Variants in CTNNA2 observed in about 807,000 individuals in gnomAD.
CTNNA2 encodes the protein catenin alpha 2, also known as catenin alpha-2.
A neutral mutation model predicts 101.0 loss-of-function variants in CTNNA2; 42 were observed. That is an observed-to-expected ratio of 0.42 (90% CI 0.32 to 0.54). CTNNA2 has a LOEUF of 0.54. CTNNA2 is among the 20% of genes least tolerant of loss of function. The probability of loss-of-function intolerance (pLI) is 0.14; values close to 1 mark genes in which losing one functional copy is unlikely to be tolerated. For synonymous variants in CTNNA2, 450 were observed against 456.4 expected (o/e 0.99, Z 0.18); for missense variants, 871 against 1,223.1 (o/e 0.71, Z 4.29).
At chr2:79,657,497 C>T (rs556413184) in intron 2 of CTNNA2, among the ~76,000 whole-genome samples, 107 of 151,948 alleles carry the variant, frequency 7.0e-4, no homozygotes, top group Admixed American at 2.9e-3. Context: ...TATTACCAGA[C>T]GCTTGTAGCG....
At chr2:80,633,204 G>T (rs1380509125) in intron 18 of CTNNA2, among the ~76,000 whole-genome samples, 1 of 152,020 alleles carries the variant, frequency 6.6e-6, no homozygotes, top group Non-Finnish European at 1.5e-5. Flanking sequence ...CACATTAAAA[G>T]ATTATGTTTT....
In CTNNA2 at chr2:79,718,384, T is replaced by TATTGATGAA. The variant is rs542907003; in HGVS notation, c.103-25998_103-25990dup. On this transcript the variant is annotated intron_variant, in intron 2 of 18. Coordinates refer to ENST00000402739, the MANE Select transcript of CTNNA2 (RefSeq NM_001282597.3). ...AATTTGACACTATTAATAAATTAAT[T>TATTGATGAA]ATTGATGAAATTGGTTCATTAGTTC... 1.7e-3 allele frequency among the ~76,000 whole-genome samples: 259 copies of TATTGATGAA among 152,308 alleles called. 2 individuals are homozygous for TATTGATGAA. Among genetic ancestry groups the TATTGATGAA allele is most frequent in the African/African-American group, 5.7e-3 (236 of 41,574 alleles).
At chr2:80,296,823 C>T (rs1482824264) in intron 7 of CTNNA2, among the ~76,000 whole-genome samples, 1 of 152,116 alleles carries the variant, frequency 6.6e-6, no homozygotes, top group East Asian at 1.9e-4. Flanking sequence ...AGCACCATCT[C>T]ACCCATGCAT....
intron 2 of CTNNA2, among the ~76,000 whole-genome samples, chr2:79,659,161 G>A (rs1256006944): frequency 6.7e-6 from 1 of 148,758 alleles, no homozygotes; most frequent in African/African-American, 2.5e-5. Flanking sequence ...AGTGATTCCA[G>A]AAATAAATGA....
chr2:80,556,005 T>TTATGTGC, intron 12 of CTNNA2, 112 bp downstream of exon 12: 1 of 691,550 alleles, frequency 1.4e-6, no homozygotes, highest in Non-Finnish European at 2.2e-6. Context: ...AAATTGCACA[T>TTATGTGC]AATTGTGGAA....
intron 3 of CTNNA2, among the ~76,000 whole-genome samples, chr2:79,355,564 C>A (rs1054448394): frequency 1.3e-5 from 2 of 152,134 alleles, no homozygotes; most frequent in African/African-American, 2.4e-5. Flanking sequence ...TTCATCACTG[C>A]CAAAGGAGAC....
At chr2:79,652,969 G>C (rs1681364377) in intron 2 of CTNNA2, among the ~76,000 whole-genome samples, 1 of 152,082 alleles carries the variant, frequency 6.6e-6, no homozygotes. Context: ...ATCTGTCCTT[G>C]AGCAGAGTTC....
intron 2 of CTNNA2, among the ~76,000 whole-genome samples, chr2:79,221,716 C>A (rs910887710): frequency 6.6e-6 from 1 of 152,028 alleles, no homozygotes; most frequent in Non-Finnish European, 1.5e-5. Context: ...TAATATATCC[C>A]TCTAAGACTT....
At chr2:80,158,770 G>A (rs2148940668) in intron 7 of CTNNA2, among the ~76,000 whole-genome samples, 1 of 152,254 alleles carries the variant, frequency 6.6e-6, no homozygotes, top group South Asian at 2.1e-4. Context: ...AATTAGCCAG[G>A]CATGGTGGCG....
intron 11 of CTNNA2, among the ~76,000 whole-genome samples, chr2:80,552,694 A>G (rs1692678709): frequency 6.6e-6 from 1 of 152,186 alleles, no homozygotes; most frequent in South Asian, 2.1e-4. Context: ...GGTATAACCT[A>G]TTACTCTTAG....
intron 7 of CTNNA2, among the ~76,000 whole-genome samples, chr2:80,352,144 A>C (rs1328591843): frequency 6.6e-6 from 1 of 152,206 alleles, no homozygotes; most frequent in African/African-American, 2.4e-5. Context: ...GTAGCAATCC[A>C]GCTTTCAAGT....
At chr2:80,293,543 G>T (rs1427233380) in intron 7 of CTNNA2, among the ~76,000 whole-genome samples, 1 of 152,182 alleles carries the variant, frequency 6.6e-6, no homozygotes, top group Non-Finnish European at 1.5e-5. Flanking sequence ...GCATTCACTT[G>T]TGTTGTTTCA....
chr2:79,967,135 TGTG>T (rs1392898072), intron 7 of CTNNA2, among the ~76,000 whole-genome samples: 2 of 151,732 alleles, frequency 1.3e-5, no homozygotes, highest in African/African-American at 4.8e-5. Flanking sequence ...TGTGTGTGTG[TGTG>T]TATGTTACTG....
chr2:79,866,215 G>A (rs2103998883), intron 4 of CTNNA2, among the ~76,000 whole-genome samples: 1 of 152,312 alleles, frequency 6.6e-6, no homozygotes, highest in South Asian at 2.1e-4. Context: ...TAAGTGACAA[G>A]TTCTGAAAAG....
intron 12 of CTNNA2, among the ~76,000 whole-genome samples, chr2:80,565,009 T>C (rs539412656): frequency 2.6e-5 from 4 of 152,278 alleles, no homozygotes; most frequent in Non-Finnish European, 5.9e-5. Flanking sequence ...TTGAAGACAC[T>C]TAAGATTTAA....
chr2:80,267,771 A>G (rs553661740), intron 7 of CTNNA2, among the ~76,000 whole-genome samples: 15 of 152,326 alleles, frequency 9.8e-5, no homozygotes, highest in African/African-American at 2.2e-4. Flanking sequence ...TGAGCTGACA[A>G]TTGTTCTCAG....
At chr2:80,549,687 TTCCTC>T (rs1692401637) in intron 11 of CTNNA2, among the ~76,000 whole-genome samples, 1 of 152,270 alleles carries the variant, frequency 6.6e-6, no homozygotes, top group East Asian at 1.9e-4. Flanking sequence ...AGTTGCAACA[TTCCTC>T]TCTCTCTTTA....
intron 3 of CTNNA2, among the ~76,000 whole-genome samples, chr2:79,762,760 A>T (rs1203202629): frequency 6.6e-6 from 1 of 152,210 alleles, no homozygotes; most frequent in Non-Finnish European, 1.5e-5. Context: ...TCTTTCAAGA[A>T]GAATATACAT....
intron 7 of CTNNA2, among the ~76,000 whole-genome samples, chr2:80,270,170 A>T (rs1365458040): frequency 6.6e-6 from 1 of 152,068 alleles, no homozygotes; most frequent in South Asian, 2.1e-4. Flanking sequence ...ATAATGATAC[A>T]CTTTACCCTA....
Sources: gnomAD v4.1 joint callset for allele counts (sites outside exome capture counted in the v4.1 genomes callset) on GRCh38, gnomAD v4.1.1 for gene constraint, MANE v1.5 for transcripts, NCBI Gene and HGNC (gene_info 2026-07-23, HGNC 2026-07-21) for gene names.